The following ZNF415 variants were observed in gnomAD, a reference collection of about 807,000 sequenced individuals.
The protein encoded by ZNF415 is zinc finger protein 415.
A neutral mutation model predicts 7.3 loss-of-function variants in ZNF415; 5 were observed. The ratio of observed to expected loss-of-function variants is 0.69; its 90% confidence interval spans 0.36 to 1.44. The LOEUF is 1.44. Ranked by LOEUF, ZNF415 falls within the 40% of genes most tolerant of loss-of-function variation. ZNF415 has a pLI of 0.04. For missense variants in ZNF415, 628 were observed against 664.8 expected, an observed-to-expected ratio of 0.94 and a Z score of 0.61; for synonymous variants, 207 against 226.3, an observed-to-expected ratio of 0.91 and a Z score of 0.77.
chr19:53,122,138 CG>C (rs765217570), intron 2 of ZNF415, among the ~76,000 whole-genome samples: 1 of 151,860 alleles, frequency 6.6e-6, no homozygotes, highest in Non-Finnish European at 1.5e-5. Context: ...CCCAGCTACT[CG>C]GGACGCTGAG....
At chr19:53,123,824 C>A (rs12972000) in intron 1 of ZNF415, 11 of 359,982 alleles carry the variant, frequency 3.1e-5, no homozygotes, top group African/African-American at 2.1e-4. Context: ...GAAAGTCCCA[C>A]GAAATACATG....
At chr19:53,113,828 G>A (rs1006957526) in intron 3 of ZNF415, among the ~76,000 whole-genome samples, 1 of 152,222 alleles carries the variant, frequency 6.6e-6, no homozygotes, top group African/African-American at 2.4e-5. Context: ...TAGGGGAGAT[G>A]ATCATTAGTT....
chr19:53,109,230 T>C lies in ZNF415; in HGVS notation c.815A>G (p.Tyr272Cys), dbSNP rs1346024568. 1.2e-6 allele frequency: 2 copies of C among 1,614,166 alleles called. No individual in the cohort carries two copies. Among genetic ancestry groups the C allele is most frequent in the Admixed American group, 1.7e-5 (1 of 60,012 alleles). ...ACTTCTGTCACATTCATTACATTTGTATGGTTTCTCTCCAGTATGAACTCT... is the reference window on the plus strand; with the variant it reads ...ACTTCTGTCACATTCATTACATTTGCATGGTTTCTCTCCAGTATGAACTCT... ...HWRVHTGEKP[Y>C]KCNECDRSFS... Residue 272 changes from tyrosine (Y) to cysteine (C), a missense_variant, in exon 4 of 4, where the codon TAC becomes TGC. By Grantham distance (194) the Tyr-to-Cys change is radical. Coordinates refer to ENST00000243643, the MANE Select transcript of ZNF415 (RefSeq NM_018355.4).
intron 3 of ZNF415, among the ~76,000 whole-genome samples, chr19:53,111,340 C>CTTTTTTT (rs61112807): frequency 1.2e-4 from 13 of 105,116 alleles, no homozygotes; most frequent in African/African-American, 3.2e-4. Flanking sequence ...TATGATATTT[C>CTTTTTTT]TTTTTTTTTT....
Position 53,109,707 on chromosome 19 carries a change from G to A in ZNF415, c.338C>T (p.Ala113Val), listed in dbSNP as rs773896273. 5.0e-6 allele frequency: 8 copies of A among 1,613,764 alleles called. No individual in the cohort carries two copies. The South Asian group carries it at 7.7e-5, about 16-fold the overall frequency. ...DERNCNKVTT[A>V]PKENLTCRRD... ...CCTACAAGTAAGATTTTCTTTTGGGGCCGTAGTCACTTTGTTGCAATTTCT... is the reference window on the plus strand; with the variant it reads ...CCTACAAGTAAGATTTTCTTTTGGGACCGTAGTCACTTTGTTGCAATTTCT... Residue 113 changes from alanine (A) to valine (V), a missense_variant, in exon 4 of 4, where the codon GCC (alanine) becomes GTC (valine). Coordinates refer to ENST00000243643, the MANE Select transcript of ZNF415 (RefSeq NM_018355.4).
chr19:53,112,463 A>G (rs1042989788), intron 3 of ZNF415, among the ~76,000 whole-genome samples: 1 of 152,138 alleles, frequency 6.6e-6, no homozygotes, highest in Non-Finnish European at 1.5e-5. Context: ...CAATGCATCT[A>G]GTCAGTCAGC....
At chr19:53,132,541 G>A (rs1267414156) in intron 1 of ZNF415, among the ~76,000 whole-genome samples, 1 of 152,184 alleles carries the variant, frequency 6.6e-6, no homozygotes, top group East Asian at 1.9e-4. Context: ...GCGCTCCAGG[G>A]GCCGACGAGG....
At chr19:53,110,356 T>C (rs149057724) in intron 3 of ZNF415, among the ~76,000 whole-genome samples, 7 of 152,154 alleles carry the variant, frequency 4.6e-5, no homozygotes, top group African/African-American at 1.7e-4. Context: ...CACAACAAAC[T>C]TACGGAATAA....
chr19:53,114,621 G>A (rs989111663), intron 3 of ZNF415, among the ~76,000 whole-genome samples: 1 of 152,156 alleles, frequency 6.6e-6, no homozygotes, highest in African/African-American at 2.4e-5. Context: ...TCTTGAGATG[G>A]GATTGTCTGC....
intron 2 of ZNF415, among the ~76,000 whole-genome samples, chr19:53,117,295 G>T (rs2087211410): frequency 6.6e-6 from 1 of 151,988 alleles, no homozygotes; most frequent in Non-Finnish European, 1.5e-5. Context: ...TACAAAACTA[G>T]CCGAGCGTGG....
chr19:53,119,444 C>CAAAAAAAAAAAAAAAAAAAAAA (rs34688086), intron 2 of ZNF415, among the ~76,000 whole-genome samples: 1 of 35,092 alleles, frequency 2.8e-5, no homozygotes, highest in African/African-American at 1.1e-4. Context: ...GACTCCATCT[C>CAAAAAAAAAAAAAAAAAAAAAA]AAAAAAAAAA....
chr19:53,128,270 C>T (rs1466245877), intron 1 of ZNF415, among the ~76,000 whole-genome samples: 1 of 151,818 alleles, frequency 6.6e-6, no homozygotes, highest in Non-Finnish European at 1.5e-5. Context: ...TAGAAGTTGG[C>T]CATGCTGGAA....
intron 1 of ZNF415, among the ~76,000 whole-genome samples, chr19:53,124,941 C>G (rs928269609): frequency 6.6e-6 from 1 of 152,098 alleles, no homozygotes; most frequent in Admixed American, 6.5e-5. Flanking sequence ...TACACAGGGA[C>G]AGAAGCAGAG....
chr19:53,130,560 G>C (rs2089929616), intron 1 of ZNF415, among the ~76,000 whole-genome samples: 1 of 152,122 alleles, frequency 6.6e-6, no homozygotes, highest in Admixed American at 6.6e-5. Flanking sequence ...AATTAATGAA[G>C]ATCTATCTCA....
At chr19:53,127,875 CAAAAAAAAAAAA>C (rs35037197) in intron 1 of ZNF415, among the ~76,000 whole-genome samples, 2 of 126,332 alleles carry the variant, frequency 1.6e-5, no homozygotes, top group Non-Finnish European at 3.3e-5. Flanking sequence ...GACACCGTCT[CAAAAAAAAAAAA>C]AAGAAAAAGA....
In ZNF415 at chr19:53,109,826, C is replaced by T; in HGVS notation, c.219G>A (p.Leu73=). The T allele has an allele frequency of 6.2e-7, 1 of 1,613,798 alleles. No homozygotes were observed. Residue 73 remains leucine, a synonymous_variant, in exon 4 of 4, where the codon TTG becomes TTA. Coordinates refer to ENST00000243643, the MANE Select transcript of ZNF415 (RefSeq NM_018355.4). The part of the protein sequence containing the change: ...NPGEVFHTVT[L]EQHEKHDIEE... ...CAATGTCATGTTTTTCATGTTGTTC[C>T]AATGTCACTGTGTGGAATACTTCTC...
Position 53,109,518 on chromosome 19 carries a change from G to A in ZNF415, c.527C>T (p.Ser176Leu), listed in dbSNP as rs1393940205. 7.4e-6 allele frequency: 12 copies of A among 1,613,902 alleles called. No individual in the cohort carries two copies. The highest frequency in any genetic ancestry group is 1.0e-5 in the Non-Finnish European group (12 of 1,179,960). The change falls in exon 4 of 4, where the codon TCA (serine) becomes TTA (leucine). Residue 176 changes from serine (S) to leucine (L), a missense_variant. By Grantham distance (145) the Ser-to-Leu change is moderately radical. Transcript: ENST00000243643. ...EKSVNHGSSV[S>L]PPQIISSTIK... ...GGTAGAAGAAATTATTTGGGGTGGTGAAACTGAGGAACCATGGTTGACAGA... is the reference window on the plus strand; with the variant it reads ...GGTAGAAGAAATTATTTGGGGTGGTAAAACTGAGGAACCATGGTTGACAGA...
intron 1 of ZNF415, among the ~76,000 whole-genome samples, chr19:53,127,157 T>C (rs1209110204): frequency 2.0e-5 from 3 of 147,680 alleles, no homozygotes; most frequent in African/African-American, 7.6e-5. Context: ...CACTCCCTCT[T>C]GAGTTGCACC....
intron 3 of ZNF415, among the ~76,000 whole-genome samples, chr19:53,114,928 G>A (rs1208392281): frequency 6.6e-6 from 1 of 152,178 alleles, no homozygotes; most frequent in African/African-American, 2.4e-5. Context: ...TTGTGGGCAG[G>A]TCTTCCAAGC....
Sources: gnomAD v4.1 joint callset for allele counts (sites outside exome capture counted in the v4.1 genomes callset) on GRCh38, gnomAD v4.1.1 for gene constraint, MANE v1.5 for transcripts, NCBI Gene and HGNC (gene_info 2026-07-23, HGNC 2026-07-21) for gene names.